TENM3: variants seen among roughly 807,000 people sequenced by gnomAD.
The protein encoded by TENM3 is teneurin-3.
TENM3 carries 63 observed loss-of-function variants against 255.1 expected under a neutral mutation model. The observed-to-expected ratio is 0.25, with a 90% CI of 0.20 to 0.30. TENM3 has a LOEUF of 0.30. Among genes scored for constraint, TENM3 ranks in the 10% least tolerant of loss-of-function variants. TENM3 has a pLI of 1.00. For missense variants in TENM3, 2,929 were observed against 3,461.1 expected, an observed-to-expected ratio of 0.85 and a Z score of 3.86; for synonymous variants, 1,306 against 1,322.3, an observed-to-expected ratio of 0.99 and a Z score of 0.27.
intron 1 of TENM3, among the ~76,000 whole-genome samples, chr4:182,229,987 G>A (rs184270115): frequency 6.6e-6 from 1 of 152,200 alleles, no homozygotes; most frequent in East Asian, 1.9e-4. Context: ...TAGTAATACA[G>A]CATTTTTATC....
chr4:181,589,153 G>A, the TENM3 span, among the ~76,000 whole-genome samples: 42 of 152,160 alleles, frequency 2.8e-4, no homozygotes, highest in Non-Finnish European at 5.0e-4. Flanking sequence ...AATGATTTTG[G>A]TGGTAATTTG....
chr4:182,254,347 A>G (rs975771124), intron 1 of TENM3, among the ~76,000 whole-genome samples: 6 of 137,918 alleles, frequency 4.4e-5, no homozygotes, highest in African/African-American at 1.7e-4. Flanking sequence ...TTTTTTTTGT[A>G]GTTATTGAAG....
chr4:181,969,454 G>A, the TENM3 span, among the ~76,000 whole-genome samples: 2 of 152,288 alleles, frequency 1.3e-5, no homozygotes, highest in East Asian at 3.9e-4. Flanking sequence ...AGCATAAAAT[G>A]TGGTAGAATA....
At chr4:181,569,173 TA>T in the TENM3 span, among the ~76,000 whole-genome samples, 3 of 152,040 alleles carry the variant, frequency 2.0e-5, no homozygotes, top group African/African-American at 4.8e-5. Flanking sequence ...GTCTCTAAAA[TA>T]AAAAACAGCA....
At chr4:181,717,587 G>A in the TENM3 span, among the ~76,000 whole-genome samples, 1 of 152,324 alleles carries the variant, frequency 6.6e-6, no homozygotes, top group South Asian at 2.1e-4. Context: ...GACACCAGTG[G>A]AAGTTATAAC....
Position 182,748,643 on chromosome 4 carries a change from C to G in TENM3, c.3630-3157C>G, listed in dbSNP as rs538148639. Among the ~76,000 whole-genome samples the G allele has an allele frequency of 5.9e-5, 9 of 152,290 alleles. No individual in the cohort carries two copies. In the South Asian group the frequency reaches 1.2e-3, roughly 21 times the overall value. ...AGACTCACTTTTTTTCCTTTTAGTACTTCCATGCTGATCCCTCTTTTCATT... is the reference window on the plus strand; with the variant it reads ...AGACTCACTTTTTTTCCTTTTAGTAGTTCCATGCTGATCCCTCTTTTCATT... On this transcript the variant is annotated intron_variant, in intron 19 of 27. Coordinates refer to ENST00000511685, the MANE Select transcript of TENM3 (RefSeq NM_001080477.4).
chr4:182,412,459 A>T (rs536931111), intron 3 of TENM3, among the ~76,000 whole-genome samples: 2 of 152,324 alleles, frequency 1.3e-5, no homozygotes, highest in Non-Finnish European at 2.9e-5. Context: ...AATGCTGTGA[A>T]ATCAGTGTTT....
chr4:181,469,624 A>G, the TENM3 span, among the ~76,000 whole-genome samples: 23 of 152,276 alleles, frequency 1.5e-4, no homozygotes, highest in African/African-American at 5.5e-4. Context: ...GCTGTAAGAC[A>G]TTTTGAAATG....
chr4:182,065,201 ATTG>A, the TENM3 span, among the ~76,000 whole-genome samples: 2 of 151,838 alleles, frequency 1.3e-5, no homozygotes, highest in Non-Finnish European at 2.9e-5. Context: ...TGCCTATCTA[ATTG>A]TTGTATTTTT....
At chr4:182,314,436 TC>T (rs1176550113) in intron 1 of TENM3, among the ~76,000 whole-genome samples, 2 of 152,236 alleles carry the variant, frequency 1.3e-5, no homozygotes, top group Admixed American at 6.5e-5. Flanking sequence ...AAATCAATGG[TC>T]ACTGTGCTTT....
At chr4:182,763,403 A>G (rs1386908082) in intron 22 of TENM3, among the ~76,000 whole-genome samples, 1 of 152,092 alleles carries the variant, frequency 6.6e-6, no homozygotes, top group Non-Finnish European at 1.5e-5. Flanking sequence ...ATCTCTACTA[A>G]AAATACAAAA....
the TENM3 span, among the ~76,000 whole-genome samples, chr4:182,017,324 G>A: frequency 6.6e-6 from 1 of 152,212 alleles, no homozygotes; most frequent in Non-Finnish European, 1.5e-5. Flanking sequence ...TTGGTTGAGA[G>A]GCTTGTTTTT....
At chr4:182,303,219 T>C (rs1291223923) in intron 1 of TENM3, among the ~76,000 whole-genome samples, 1 of 152,244 alleles carries the variant, frequency 6.6e-6, no homozygotes, top group African/African-American at 2.4e-5. Flanking sequence ...AGATGCTTTT[T>C]ATCATCACTT....
At chr4:181,684,128 C>T in the TENM3 span, among the ~76,000 whole-genome samples, 1 of 152,142 alleles carries the variant, frequency 6.6e-6, no homozygotes, top group Admixed American at 6.5e-5. Context: ...CTGGCGTCCT[C>T]CACACAGGTT....
At chr4:181,898,213 T>A in the TENM3 span, among the ~76,000 whole-genome samples, 1 of 152,124 alleles carries the variant, frequency 6.6e-6, no homozygotes, top group African/African-American at 2.4e-5. Context: ...TGTTTTTAAA[T>A]ATAATCTTTG....
chr4:182,607,405 G>T (rs549813425), intron 4 of TENM3, among the ~76,000 whole-genome samples: 1 of 152,242 alleles, frequency 6.6e-6, no homozygotes, highest in Non-Finnish European at 1.5e-5. Flanking sequence ...ATTTTTGTAG[G>T]TAGGAACGCC....
intron 18 of TENM3, among the ~76,000 whole-genome samples, chr4:182,738,752 A>G (rs936322601): frequency 6.6e-6 from 1 of 152,220 alleles, no homozygotes; most frequent in Admixed American, 6.5e-5. Context: ...AATATACTTT[A>G]AAATGTTCAT....
chr4:181,741,501 T>A, the TENM3 span, among the ~76,000 whole-genome samples: 1 of 152,238 alleles, frequency 6.6e-6, no homozygotes, highest in Non-Finnish European at 1.5e-5. Flanking sequence ...TTCATAATAT[T>A]GGCAGATAAT....
chr4:182,700,311 T>C (rs1757752511), intron 12 of TENM3, among the ~76,000 whole-genome samples: 1 of 152,190 alleles, frequency 6.6e-6, no homozygotes, highest in East Asian at 1.9e-4. Flanking sequence ...TCCCACATGG[T>C]ATGTTGTTAT....
Sources: allele counts gnomAD v4.1 joint callset (sites outside exome capture counted in the v4.1 genomes callset), GRCh38; gene constraint gnomAD v4.1.1; transcripts MANE v1.5; gene names NCBI Gene and HGNC (gene_info 2026-07-23, HGNC 2026-07-21).